SLC9C1: variants seen among roughly 807,000 people sequenced by gnomAD.
SLC9C1 encodes sodium/hydrogen exchanger 10.
In SLC9C1, 97 loss-of-function variants were observed where a neutral mutation model predicts 140.9. The observed-to-expected ratio is 0.69, with a 90% confidence interval of 0.58 to 0.82. The LOEUF is 0.82. Among genes scored for constraint, SLC9C1 ranks in the 40% least tolerant of loss-of-function variants. The probability of loss-of-function intolerance (pLI) is 0.00; values close to 1 mark genes in which losing one functional copy is unlikely to be tolerated. For missense variants in SLC9C1, 1,340 were observed against 1,389.3 expected, an observed-to-expected ratio of 0.96 and a Z score of 0.56; for synonymous variants, 440 against 442.6, an observed-to-expected ratio of 0.99 and a Z score of 0.07.
intron 28 of SLC9C1, chr3:112,147,514 G>C (rs1431604917): frequency 4.7e-6 from 2 of 421,228 alleles, no homozygotes; most frequent in South Asian, 1.7e-5. Context: ...TTCTTGTCTG[G>C]AAAGTTAATT....
chr3:112,166,686 A>G (rs1204314248), intron 26 of SLC9C1, among the ~76,000 whole-genome samples: 1 of 152,070 alleles, frequency 6.6e-6, no homozygotes, highest in Non-Finnish European at 1.5e-5. Context: ...ATTATTACTT[A>G]TTCAATAATT....
At chr3:112,197,251 C>A (rs1245721950) in intron 20 of SLC9C1, among the ~76,000 whole-genome samples, 3 of 151,884 alleles carry the variant, frequency 2.0e-5, no homozygotes, top group Non-Finnish European at 2.9e-5. Context: ...AGAAATAAGA[C>A]AAAAATAAAG....
intron 16 of SLC9C1, among the ~76,000 whole-genome samples, chr3:112,207,222 T>G (rs541738924): frequency 6.6e-6 from 1 of 152,212 alleles, no homozygotes; most frequent in Non-Finnish European, 1.5e-5. Flanking sequence ...ATTTCAAAGA[T>G]GATTGTAGAT....
intron 5 of SLC9C1, 131 bp from the exon 6 acceptor site, chr3:112,275,156 G>A: frequency 2.1e-6 from 2 of 940,992 alleles, no homozygotes; most frequent in Non-Finnish European, 2.9e-6. Flanking sequence ...GTTAAGTTTA[G>A]ACAATCATAA....
intron 25 of SLC9C1, among the ~76,000 whole-genome samples, chr3:112,167,729 T>A (rs1682919395): frequency 6.6e-6 from 1 of 152,078 alleles, no homozygotes; most frequent in Non-Finnish European, 1.5e-5. Flanking sequence ...TTCAAAATAT[T>A]CTTCCACCTT....
chr3:112,207,763 T>C (rs1272482687), intron 16 of SLC9C1, among the ~76,000 whole-genome samples: 1 of 152,194 alleles, frequency 6.6e-6, no homozygotes, highest in Non-Finnish European at 1.5e-5. Context: ...GACCCTACTA[T>C]TCTGCATAAG....
intron 28 of SLC9C1, among the ~76,000 whole-genome samples, chr3:112,150,485 T>C (rs2107849175): frequency 6.6e-6 from 1 of 152,176 alleles, no homozygotes; most frequent in East Asian, 1.9e-4. Flanking sequence ...TGTTTGCCAC[T>C]GTTCTTCTCT....
At chr3:112,287,144 G>C (rs1276677237) in intron 1 of SLC9C1, among the ~76,000 whole-genome samples, 1 of 152,158 alleles carries the variant, frequency 6.6e-6, no homozygotes, top group Non-Finnish European at 1.5e-5. Context: ...CCAACTGTCT[G>C]AAAGAAGGAT....
intron 12 of SLC9C1, 120 bp from the exon 13 acceptor site, chr3:112,231,606 A>G (rs752948518): frequency 7.5e-6 from 7 of 929,330 alleles, no homozygotes; most frequent in Non-Finnish European, 1.1e-5. Flanking sequence ...TCTGGTAGAT[A>G]AGAAAAATGT....
intron 20 of SLC9C1, among the ~76,000 whole-genome samples, chr3:112,193,213 C>T (rs1234866960): frequency 2.6e-5 from 4 of 152,162 alleles, no homozygotes; most frequent in African/African-American, 9.7e-5. Context: ...GTTGGGGGCA[C>T]ATGCATGCAC....
In SLC9C1 at chr3:112,168,955, G is replaced by A. The variant is rs2077193386; in HGVS notation, c.3159C>T (p.Leu1053=). ...IYDENLIYVI[L]IHGAVEDCLL... is the part of the protein sequence containing the mutation. ...GACAATCTTCTACAGCTCCATGTAT[G>A]AGGATAACATAGATTAGATTTTCAT... Residue 1053 remains leucine, a synonymous_variant, in exon 25 of 29, where the codon CTC becomes CTT. Transcript: ENST00000305815. 2 of 1,611,896 alleles carry A rather than the reference G, an allele frequency of 1.2e-6. No homozygotes were observed. Among genetic ancestry groups the A allele is most frequent in the Admixed American group, 1.7e-5 (1 of 59,664 alleles).
chr3:112,265,519 T>G (rs2108300484), intron 8 of SLC9C1, among the ~76,000 whole-genome samples: 2 of 152,270 alleles, frequency 1.3e-5, no homozygotes, highest in South Asian at 4.1e-4. Flanking sequence ...TCTATAACGT[T>G]GTCCCAAAAC....
At chr3:112,156,581 T>C (rs1387891759) in intron 26 of SLC9C1, among the ~76,000 whole-genome samples, 1 of 151,366 alleles carries the variant, frequency 6.6e-6, no homozygotes, top group Non-Finnish European at 1.5e-5. Context: ...TTTTAGTTTA[T>C]TTTTTTTTAA....
At position 112,159,356 on chromosome 3, in the gene SLC9C1, A is replaced by C. The variant is rs370876909; in HGVS notation, c.3365-4307T>G. On this transcript the variant is annotated intron_variant, in intron 26 of 28. Transcript: ENST00000305815. ...TCTGATTGATTTCTGGTTTTATCCCATTGGGGTCAGTTTCCATAGTTCCTC... is the reference window on the plus strand; with the variant it reads ...TCTGATTGATTTCTGGTTTTATCCCCTTGGGGTCAGTTTCCATAGTTCCTC... Among the ~76,000 whole-genome samples the C allele has an allele frequency of 4.9e-4, 75 of 151,996 alleles. 1 individual carries two copies. The East Asian group carries it at 0.011, about 22-fold the overall frequency.
intron 14 of SLC9C1, 65 bp from the exon 15 acceptor site, chr3:112,217,626 G>T: frequency 7.0e-7 from 1 of 1,424,034 alleles, no homozygotes; most frequent in Non-Finnish European, 9.4e-7. Context: ...ATGTTGTACT[G>T]GAAGTTTAAT....
chr3:112,179,675 C>A lies in SLC9C1; in HGVS notation c.2775G>T (p.Gly925=). 6.2e-7 allele frequency: 1 copy of A among 1,605,462 alleles called. No homozygotes were observed. Among genetic ancestry groups the A allele is most frequent in the East Asian group, 2.2e-5 (1 of 44,632 alleles). The change falls in exon 23 of 29, where the codon GGG becomes GGT. Residue 925 remains glycine, a synonymous_variant. Coordinates refer to ENST00000305815, the MANE Select transcript of SLC9C1 (RefSeq NM_183061.3). ...VKLEKSKPGL[G]IDQMVESKEK... ...CCTTTGACTCCACCATTTGATCAATCCCTAAACCTGGCTTTGATTTTTCAA... is the reference window on the plus strand; with the variant it reads ...CCTTTGACTCCACCATTTGATCAATACCTAAACCTGGCTTTGATTTTTCAA...
intron 26 of SLC9C1, among the ~76,000 whole-genome samples, chr3:112,160,144 T>C (rs1248344284): frequency 6.6e-6 from 1 of 151,492 alleles, no homozygotes; most frequent in Non-Finnish European, 1.5e-5. Context: ...TTCTCTTTCT[T>C]TCTTCCTTTC....
At chr3:112,206,015 A>G (rs1199547050) in intron 16 of SLC9C1, among the ~76,000 whole-genome samples, 1 of 110,002 alleles carries the variant, frequency 9.1e-6, no homozygotes, top group Admixed American at 1.0e-4. Context: ...ATCTAATTAA[A>G]CTAAAGAGCT....
intron 11 of SLC9C1, among the ~76,000 whole-genome samples, chr3:112,243,256 A>G (rs2079185745): frequency 6.6e-6 from 1 of 152,228 alleles, no homozygotes; most frequent in Admixed American, 6.5e-5. Context: ...AAGAGATGGA[A>G]TCAACCTAAG....
Sources: gnomAD v4.1 joint callset for allele counts (sites outside exome capture counted in the v4.1 genomes callset) on GRCh38, gnomAD v4.1.1 for gene constraint, MANE v1.5 for transcripts, NCBI Gene and HGNC (gene_info 2026-07-23, HGNC 2026-07-21) for gene names.